MTUS2: variants seen among roughly 807,000 people sequenced by gnomAD.
MTUS2 encodes the protein microtubule associated scaffold protein 2, also known as microtubule-associated tumor suppressor candidate 2.
MTUS2 carries 40 observed loss-of-function variants against 114.1 expected under a neutral mutation model. The observed-to-expected ratio is 0.35, with a 90% confidence interval of 0.27 to 0.46. The LOEUF is 0.46. Among genes scored for constraint, MTUS2 ranks in the 20% least tolerant of loss-of-function variants. The probability of loss-of-function intolerance (pLI) is 1.00; values close to 1 mark genes in which losing one functional copy is unlikely to be tolerated. For missense variants in MTUS2, 1,679 were observed against 1,705.4 expected (o/e 0.98, Z 0.27); for synonymous variants, 688 against 672.0 (o/e 1.02, Z -0.37).
chr13:29,364,035 A>G (rs768745592), intron 8 of MTUS2, among the ~76,000 whole-genome samples: 4 of 152,176 alleles, frequency 2.6e-5, no homozygotes, highest in Non-Finnish European at 4.4e-5. Context: ...GCCACACCCA[A>G]CACTCATGTT....
chr13:28,982,602 A>G (rs1019179459), intron 2 of MTUS2, among the ~76,000 whole-genome samples: 2 of 152,234 alleles, frequency 1.3e-5, no homozygotes, highest in African/African-American at 2.4e-5. Flanking sequence ...CACAATGGCC[A>G]AGAGATAGAA....
intron 5 of MTUS2, among the ~76,000 whole-genome samples, chr13:29,121,124 A>G (rs1891288923): frequency 6.6e-6 from 1 of 152,200 alleles, no homozygotes; most frequent in African/African-American, 2.4e-5. Context: ...AACAATATAG[A>G]CATTTTATGG....
chr13:29,248,235 G>A (rs567120246), intron 5 of MTUS2, among the ~76,000 whole-genome samples: 1 of 152,148 alleles, frequency 6.6e-6, no homozygotes, highest in African/African-American at 2.4e-5. Context: ...AATGGACTTT[G>A]GAGACTTGGG....
intron 4 of MTUS2, among the ~76,000 whole-genome samples, chr13:29,081,971 G>T (rs956784805): frequency 2.0e-5 from 3 of 152,132 alleles, no homozygotes; most frequent in Admixed American, 2.0e-4. Context: ...TCCGATTGTG[G>T]TGACCCTTGG....
In MTUS2 at chr13:29,456,151, G is replaced by T. The variant is rs74952843; in HGVS notation, c.3184+16102G>T. ...TAAACAGGTAGAGAAGCACAACAGA[G>T]AAATAAAAACTATTATAAAAGAACC... On this transcript the variant is annotated intron_variant, in intron 9 of 15. Coordinates refer to ENST00000612955, the MANE Select transcript of MTUS2 (RefSeq NM_001033602.4). Among the ~76,000 whole-genome samples, 1,027 of 152,176 alleles carry T rather than the reference G, an allele frequency of 6.7e-3. 9 individuals carry two copies. The highest frequency in any genetic ancestry group is 0.022 in the South Asian group (107 of 4,798).
chr13:29,253,368 G>C (rs1003190264), intron 5 of MTUS2, among the ~76,000 whole-genome samples: 6 of 151,916 alleles, frequency 3.9e-5, no homozygotes, highest in Non-Finnish European at 7.4e-5. Context: ...AGAGGTTTCA[G>C]TGAGCCAAGA....
chr13:29,370,152 C>A, intron 8 of MTUS2, among the ~76,000 whole-genome samples: 1 of 151,828 alleles, frequency 6.6e-6, no homozygotes, highest in East Asian at 1.9e-4. Context: ...GAGTTTGAGA[C>A]CAGCCTGGGC....
chr13:29,466,941 T>C (rs1248124725), intron 9 of MTUS2, among the ~76,000 whole-genome samples: 1 of 149,348 alleles, frequency 6.7e-6, no homozygotes, highest in Non-Finnish European at 1.5e-5. Context: ...GTGGAAAATA[T>C]GCTTTGCATT....
At chr13:29,191,243 G>A (rs1431387124) in intron 5 of MTUS2, among the ~76,000 whole-genome samples, 1 of 152,112 alleles carries the variant, frequency 6.6e-6, no homozygotes, top group East Asian at 1.9e-4. Context: ...ATGGGAAAAT[G>A]TCAGAATTTC....
At chr13:29,331,793 C>G (rs1425424109) in intron 7 of MTUS2, among the ~76,000 whole-genome samples, 1 of 151,816 alleles carries the variant, frequency 6.6e-6, no homozygotes, top group Admixed American at 6.6e-5. Context: ...TATCAAAGGT[C>G]TTTTCTGCAT....
intron 9 of MTUS2, among the ~76,000 whole-genome samples, chr13:29,475,014 T>G (rs1880590521): frequency 6.6e-6 from 1 of 152,196 alleles, no homozygotes; most frequent in African/African-American, 2.4e-5. Context: ...AATAAATGAT[T>G]AGCATTTTTC....
intron 11 of MTUS2, among the ~76,000 whole-genome samples, chr13:29,491,722 GGTGTGTGTGGGGCGTGTGGGGT>G (rs1315172429): frequency 7.0e-6 from 1 of 143,086 alleles, no homozygotes; most frequent in East Asian, 2.2e-4. Context: ...GTGTGTGGTA[GGTGTGTGTGGGGCGTGTGGGGT>G]GTGTGTGTGC....
At chr13:29,177,092 C>A (rs1188136114) in intron 5 of MTUS2, among the ~76,000 whole-genome samples, 2 of 151,096 alleles carry the variant, frequency 1.3e-5, no homozygotes, top group African/African-American at 2.5e-5. Context: ...TGATGGCCAC[C>A]CATGTTGGTG....
intron 5 of MTUS2, among the ~76,000 whole-genome samples, chr13:29,235,799 A>G (rs1896513484): frequency 6.6e-6 from 1 of 152,042 alleles, no homozygotes; most frequent in Non-Finnish European, 1.5e-5. Context: ...GGTTATTTGC[A>G]TATTAATTCT....
chr13:29,325,258 C>G (rs890647408), intron 7 of MTUS2, among the ~76,000 whole-genome samples: 8 of 151,992 alleles, frequency 5.3e-5, no homozygotes, highest in African/African-American at 1.7e-4. Flanking sequence ...GAGTTCCAGA[C>G]CAGCCTAGCC....
intron 4 of MTUS2, among the ~76,000 whole-genome samples, chr13:29,066,220 G>T (rs1456670350): frequency 2.0e-5 from 3 of 152,192 alleles, no homozygotes; most frequent in African/African-American, 7.2e-5. Context: ...TCAGCCAGAT[G>T]CTGTCTAACA....
chr13:29,002,957 T>C (rs964238696), intron 2 of MTUS2, among the ~76,000 whole-genome samples: 1 of 152,178 alleles, frequency 6.6e-6, no homozygotes, highest in Non-Finnish European at 1.5e-5. Context: ...TGAATAAGAA[T>C]GTAAGATATT....
At chr13:28,934,605 C>T (rs1406353702) in intron 2 of MTUS2, among the ~76,000 whole-genome samples, 1 of 152,244 alleles carries the variant, frequency 6.6e-6, no homozygotes, top group Admixed American at 6.5e-5. Context: ...ATCACTGCAA[C>T]CTTCCCCTCC....
chr13:28,911,863 T>G (rs1880457956), intron 2 of MTUS2, among the ~76,000 whole-genome samples: 1 of 134,408 alleles, frequency 7.4e-6, no homozygotes, highest in Admixed American at 7.3e-5. Flanking sequence ...TTTTTTTTTT[T>G]GTAAATTTGT....
Sources: allele counts gnomAD v4.1 joint callset (sites outside exome capture counted in the v4.1 genomes callset), GRCh38; gene constraint gnomAD v4.1.1; transcripts MANE v1.5; gene names NCBI Gene and HGNC (gene_info 2026-07-23, HGNC 2026-07-21).